The following TMEM135 variants were observed in gnomAD, a reference collection of about 807,000 sequenced individuals.
The protein encoded by TMEM135 is peroxisomal membrane protein 52.
In TMEM135, 30 loss-of-function variants were observed where a neutral mutation model predicts 60.3. The ratio of observed to expected loss-of-function variants is 0.50; its 90% CI spans 0.37 to 0.68. TMEM135 has a LOEUF of 0.68. TMEM135 is among the 30% of genes least tolerant of loss of function. The pLI is 0.00. For missense variants in TMEM135, 468 were observed against 548.8 expected, an observed-to-expected ratio of 0.85 and a Z score of 1.47; for synonymous variants, 190 against 186.7, an observed-to-expected ratio of 1.02 and a Z score of -0.14.
chr11:87,109,145 G>A (rs756810786), intron 4 of TMEM135, among the ~76,000 whole-genome samples: 1 of 152,126 alleles, frequency 6.6e-6, no homozygotes, highest in Non-Finnish European at 1.5e-5. Context: ...TCATTTTAGA[G>A]TGTGTACATA....
Position 87,319,484 on chromosome 11 carries a change from G to A in TMEM135, c.1244+107G>A, listed in dbSNP as rs1050594807. 4 of 790,900 alleles carry A rather than the reference G, an allele frequency of 5.1e-6. No individual in the cohort carries two copies. The Admixed American group carries it at 7.3e-5, about 14-fold the overall frequency. 49.0% of individuals were successfully genotyped at this position (790,900 alleles called of 1,614,324 possible). ...GTATTTATATATAAATAAAATATGAGTAACTTAACTAAGAATAACATGGGG... is the reference window on the plus strand; with the variant it reads ...GTATTTATATATAAATAAAATATGAATAACTTAACTAAGAATAACATGGGG... On this transcript the variant is annotated intron_variant, in intron 14 of 14. Transcript: ENST00000305494.
chr11:87,260,065 A>G (rs1169305695), intron 6 of TMEM135, among the ~76,000 whole-genome samples: 1 of 152,208 alleles, frequency 6.6e-6, no homozygotes, highest in East Asian at 1.9e-4. Flanking sequence ...AATGCTTTCT[A>G]AAGTGATTTG....
At chr11:87,287,697 A>G (rs1303563172) in intron 6 of TMEM135, among the ~76,000 whole-genome samples, 7 of 151,948 alleles carry the variant, frequency 4.6e-5, no homozygotes, top group Non-Finnish European at 7.4e-5. Flanking sequence ...AATAATAAAT[A>G]AATGTATGTA....
In TMEM135 at chr11:87,324,614, A is replaced by G. The variant is rs1025054837; in HGVS notation, c.*3281A>G. 6 of 436,658 alleles carry G rather than the reference A, an allele frequency of 1.4e-5. No individual in the cohort carries two copies. The highest frequency in any genetic ancestry group is 7.0e-5 in the East Asian group (1 of 14,274). 27.0% of individuals were successfully genotyped at this position (436,658 alleles called of 1,614,324 possible). A position where few individuals can be genotyped will look rare whatever the true frequency, so the allele number is the denominator to read the frequency against. The stretch of plus-strand genomic sequence containing the variant: ...TTTATTTTATTTATTTTTTTTTTGT[A>G]GAAACAAGGTGTTGCTATGTTGTCC... On this transcript the variant is annotated 3_prime_UTR_variant, in exon 15 of 15. Transcript: ENST00000305494.
chr11:87,106,831 C>T (rs1857609135), intron 4 of TMEM135, among the ~76,000 whole-genome samples: 1 of 152,068 alleles, frequency 6.6e-6, no homozygotes, highest in Non-Finnish European at 1.5e-5. Flanking sequence ...TCTGCAGGCT[C>T]ACGGTTCTGC....
intron 5 of TMEM135, among the ~76,000 whole-genome samples, chr11:87,198,531 ACTCCTCCCTTCC>A (rs1388588080): frequency 2.2e-5 from 1 of 45,648 alleles, no homozygotes; most frequent in Non-Finnish European, 4.1e-5. Flanking sequence ...TTTCTCCCCC[ACTCCTCCCTTCC>A]CTCCTCCCTC....
At chr11:87,097,101 A>G (rs766876705) in intron 4 of TMEM135, among the ~76,000 whole-genome samples, 6 of 151,348 alleles carry the variant, frequency 4.0e-5, no homozygotes, top group Non-Finnish European at 8.8e-5. Flanking sequence ...GGTTCAAACG[A>G]TTCTCCTGCC....
chr11:87,104,411 G>T (rs11234968), intron 4 of TMEM135, among the ~76,000 whole-genome samples: 12,357 of 152,164 alleles, frequency 0.081, 573 homozygotes, highest in East Asian at 0.17. Context: ...TTCTTTGGCT[G>T]TTTGGGGTCT....
chr11:87,107,124 A>G (rs536329537), intron 4 of TMEM135, among the ~76,000 whole-genome samples: 2 of 152,296 alleles, frequency 1.3e-5, no homozygotes, highest in Admixed American at 6.5e-5. Flanking sequence ...ATGACATTTC[A>G]TTGGGGACAA....
chr11:87,135,788 A>G (rs1195828612), intron 4 of TMEM135, among the ~76,000 whole-genome samples: 3 of 152,126 alleles, frequency 2.0e-5, no homozygotes, highest in African/African-American at 7.2e-5. Context: ...CCTTTGAGAT[A>G]TCTATTAGAA....
In TMEM135 at chr11:87,281,508, T is replaced by C. The variant is rs974074891; in HGVS notation, c.510-14274T>C. On this transcript the variant is annotated intron_variant, in intron 6 of 14. Transcript: ENST00000305494. Reference sequence around the variant, plus strand: ...ATCACACTTAAAGTGAAAAAAGTTATTGTGAAAAAGACTATTGATAGTATT... The same window carrying C: ...ATCACACTTAAAGTGAAAAAAGTTACTGTGAAAAAGACTATTGATAGTATT... Among the ~76,000 whole-genome samples the C allele has an allele frequency of 9.9e-5, 15 of 152,206 alleles. No homozygotes were observed. In the East Asian group the frequency reaches 1.7e-3, roughly 18 times the overall value.
intron 5 of TMEM135, among the ~76,000 whole-genome samples, chr11:87,203,296 C>G (rs1245523213): frequency 6.6e-6 from 1 of 152,002 alleles, no homozygotes; most frequent in Non-Finnish European, 1.5e-5. Context: ...TGACATGTAT[C>G]CATCATTATA....
intron 14 of TMEM135, among the ~76,000 whole-genome samples, chr11:87,319,948 C>G (rs972165748): frequency 6.6e-6 from 1 of 152,104 alleles, no homozygotes; most frequent in East Asian, 1.9e-4. Flanking sequence ...ATTATTTACC[C>G]TCGTGAGCCT....
At chr11:87,317,400 A>T (rs903738943) in intron 12 of TMEM135, among the ~76,000 whole-genome samples, 1 of 152,134 alleles carries the variant, frequency 6.6e-6, no homozygotes, top group African/African-American at 2.4e-5. Flanking sequence ...TTTCCAAAAT[A>T]GATTATAACT....
chr11:87,238,070 T>C (rs1287690447), intron 6 of TMEM135, among the ~76,000 whole-genome samples: 1 of 151,964 alleles, frequency 6.6e-6, no homozygotes, highest in East Asian at 1.9e-4. Context: ...CATCTGTCAG[T>C]GGACACTTAG....
intron 1 of TMEM135, among the ~76,000 whole-genome samples, chr11:87,039,362 T>C (rs1342822074): frequency 6.6e-6 from 1 of 152,208 alleles, no homozygotes; most frequent in African/African-American, 2.4e-5. Flanking sequence ...TCTAATTCAT[T>C]AGGTCCTGGT....
intron 3 of TMEM135, among the ~76,000 whole-genome samples, chr11:87,078,736 C>G (rs112952957): frequency 0.015 from 2,275 of 152,124 alleles, 61 homozygotes; most frequent in African/African-American, 0.052. Context: ...GCCTCAGCCT[C>G]CCAAGTAGCT....
At chr11:87,069,333 G>A (rs1856731490) in intron 2 of TMEM135, among the ~76,000 whole-genome samples, 1 of 149,966 alleles carries the variant, frequency 6.7e-6, no homozygotes, top group South Asian at 2.1e-4. Flanking sequence ...CTATGATTAG[G>A]TTTTTAAAAA....
At chr11:87,208,308 T>C (rs1940283608) in intron 5 of TMEM135, among the ~76,000 whole-genome samples, 1 of 152,140 alleles carries the variant, frequency 6.6e-6, no homozygotes, top group Non-Finnish European at 1.5e-5. Flanking sequence ...TGAGACCCAC[T>C]CCAAGGAAAA....
Sources: gnomAD v4.1 joint callset for allele counts (sites outside exome capture counted in the v4.1 genomes callset) on GRCh38, gnomAD v4.1.1 for gene constraint, MANE v1.5 for transcripts, NCBI Gene and HGNC (gene_info 2026-07-23, HGNC 2026-07-21) for gene names.